CCDC171: variants seen among roughly 807,000 people sequenced by gnomAD.
CCDC171 encodes coiled-coil domain-containing protein 171.
CCDC171 carries 177 observed loss-of-function variants against 168.2 expected under a neutral mutation model. The observed-to-expected ratio is 1.05, with a 90% CI of 0.93 to 1.19. CCDC171 has a LOEUF of 1.19. Ranked by LOEUF, CCDC171 falls within the 50% of genes most tolerant of loss-of-function variation. The pLI, the probability that CCDC171 is intolerant of heterozygous loss-of-function variation, is 0.00. For synonymous variants in CCDC171, 687 were observed against 540.8 expected (o/e 1.27, Z -3.75); for missense variants, 1,991 against 1,539.0 (o/e 1.29, Z -4.91).
chr9:15,809,764 T>C (rs1004655097), intron 21 of CCDC171, among the ~76,000 whole-genome samples: 3 of 152,192 alleles, frequency 2.0e-5, no homozygotes, highest in Non-Finnish European at 2.9e-5. Flanking sequence ...CAAGATTTAT[T>C]GCAAAGAGCG....
intron 25 of CCDC171, among the ~76,000 whole-genome samples, chr9:15,950,336 G>A (rs1262551984): frequency 6.6e-6 from 1 of 152,078 alleles, no homozygotes; most frequent in Non-Finnish European, 1.5e-5. Flanking sequence ...ATTCACCAAA[G>A]TTGAAATGAA....
chr9:15,573,740 G>C (rs921164689), intron 3 of CCDC171, among the ~76,000 whole-genome samples: 1 of 152,002 alleles, frequency 6.6e-6, no homozygotes, highest in Non-Finnish European at 1.5e-5. Flanking sequence ...GAGTATTAGT[G>C]TGATGATAAT....
intron 23 of CCDC171, among the ~76,000 whole-genome samples, chr9:15,853,420 A>G (rs1009429090): frequency 1.3e-5 from 2 of 151,640 alleles, no homozygotes; most frequent in African/African-American, 4.8e-5. Flanking sequence ...TGATTTTTGT[A>G]TGTTTATCTT....
At chr9:15,913,232 C>T (rs758856345) in intron 24 of CCDC171, among the ~76,000 whole-genome samples, 1 of 152,064 alleles carries the variant, frequency 6.6e-6, no homozygotes, top group African/African-American at 2.4e-5. Flanking sequence ...TTCAGGGATT[C>T]GACTTCTTCC....
chr9:15,927,669 G>T (rs1272270776), intron 25 of CCDC171, among the ~76,000 whole-genome samples: 1 of 151,506 alleles, frequency 6.6e-6, no homozygotes, highest in Non-Finnish European at 1.5e-5. Context: ...TACTTGTCAG[G>T]TGGTATTATA....
At chr9:15,743,498 A>G (rs927983207) in intron 16 of CCDC171, among the ~76,000 whole-genome samples, 13 of 152,046 alleles carry the variant, frequency 8.6e-5, no homozygotes, top group Admixed American at 4.6e-4. Flanking sequence ...TTCTTTCAAG[A>G]TTCCTTACTG....
upstream of CCDC171, among the ~76,000 whole-genome samples, chr9:16,040,416 G>T (rs113066386): frequency 2.0e-5 from 3 of 152,186 alleles, no homozygotes; most frequent in Non-Finnish European, 4.4e-5. Context: ...GTTGTCTCTG[G>T]GCTGGAGCTC....
chr9:15,926,374 C>A (rs1010347711), intron 25 of CCDC171, among the ~76,000 whole-genome samples: 1 of 151,710 alleles, frequency 6.6e-6, no homozygotes, highest in Non-Finnish European at 1.5e-5. Flanking sequence ...GAGCCCAAGA[C>A]TGCTTGCAAT....
At chr9:15,691,094 A>C in intron 10 of CCDC171, among the ~76,000 whole-genome samples, 1 of 152,186 alleles carries the variant, frequency 6.6e-6, no homozygotes, top group Admixed American at 6.5e-5. Flanking sequence ...GAATTTATTG[A>C]GTAGATATAC....
chr9:15,908,268 A>G (rs187516933), intron 24 of CCDC171, among the ~76,000 whole-genome samples: 1 of 152,354 alleles, frequency 6.6e-6, no homozygotes, highest in Admixed American at 6.5e-5. Context: ...ATGTCCAACC[A>G]TGATAGACTG....
intron 6 of CCDC171, among the ~76,000 whole-genome samples, chr9:15,599,046 G>C (rs547002399): frequency 1.3e-5 from 2 of 152,218 alleles, no homozygotes; most frequent in Admixed American, 1.3e-4. Flanking sequence ...GTGTGTCTCT[G>C]CATGTGAGAT....
upstream of CCDC171, among the ~76,000 whole-genome samples, chr9:16,038,018 A>G (rs1833504706): frequency 6.6e-6 from 1 of 152,192 alleles, no homozygotes; most frequent in South Asian, 2.1e-4. Flanking sequence ...ATGAAATTGC[A>G]AAATACTGAT....
At chr9:15,798,105 C>A (rs1456117192) in intron 21 of CCDC171, among the ~76,000 whole-genome samples, 1 of 151,942 alleles carries the variant, frequency 6.6e-6, no homozygotes. Flanking sequence ...TAACTTTGCT[C>A]TTTTTTTGGA....
Position 15,796,207 on chromosome 9 carries a change from T to A in CCDC171, c.3267+11513T>A, listed in dbSNP as rs943831177. On this transcript the variant is annotated intron_variant, in intron 21 of 25. Transcript: ENST00000380701. ...GACATGAAAATATAGTCATGGAGAT[T>A]ATGAACTCAGTGAACATTGGGTAGA... 1.1e-4 allele frequency among the ~76,000 whole-genome samples: 16 copies of A among 152,290 alleles called. No homozygotes were observed. In the East Asian group the frequency reaches 2.9e-3, roughly 28 times the overall value.
chr9:15,726,025 T>C (rs2053778224), intron 14 of CCDC171, among the ~76,000 whole-genome samples: 1 of 152,218 alleles, frequency 6.6e-6, no homozygotes, highest in South Asian at 2.1e-4. Flanking sequence ...CTAGTCTAGC[T>C]AGTGGAACTG....
the CCDC171 span, among the ~76,000 whole-genome samples, chr9:16,100,532 G>T: frequency 6.6e-6 from 1 of 152,150 alleles, no homozygotes; most frequent in Non-Finnish European, 1.5e-5. Context: ...AACATTTTTG[G>T]CAGCTCATGA....
chr9:15,961,734 A>G (rs778534680), intron 25 of CCDC171, among the ~76,000 whole-genome samples: 122 of 152,290 alleles, frequency 8.0e-4, no homozygotes, highest in Middle Eastern at 3.4e-3. Context: ...TTCAGTATAT[A>G]TAAATATGTA....
chr9:15,640,209 G>A (rs963190874), intron 7 of CCDC171, among the ~76,000 whole-genome samples: 1 of 152,116 alleles, frequency 6.6e-6, no homozygotes, highest in African/African-American at 2.4e-5. Context: ...GGACTTCTAT[G>A]AGGGTACAAT....
At chr9:16,010,525 C>G (rs1418607355) in intron 3 of CCDC171, among the ~76,000 whole-genome samples, 2 of 152,080 alleles carry the variant, frequency 1.3e-5, no homozygotes, top group Non-Finnish European at 2.9e-5. Flanking sequence ...TCTCGCTCCC[C>G]CTCAGTGCTT....
Sources: gnomAD v4.1 joint callset for allele counts (sites outside exome capture counted in the v4.1 genomes callset) on GRCh38, gnomAD v4.1.1 for gene constraint, MANE v1.5 for transcripts, NCBI Gene and HGNC (gene_info 2026-07-23, HGNC 2026-07-21) for gene names.